The following MMRN1 variants were observed in gnomAD, a reference collection of about 807,000 sequenced individuals.
MMRN1 encodes the protein multimerin 1, also known as multimerin-1.
MMRN1 carries 94 observed loss-of-function variants against 100.7 expected under a neutral mutation model. That is an observed-to-expected ratio of 0.93 (90% CI 0.79 to 1.11). The LOEUF is 1.11. Among genes scored for constraint, MMRN1 ranks in the 50% least tolerant of loss-of-function variants. The pLI, the probability that MMRN1 is intolerant of heterozygous loss-of-function variation, is 0.00. For missense variants in MMRN1, 1,606 were observed against 1,439.1 expected (o/e 1.12, Z -1.88); for synonymous variants, 575 against 505.0 (o/e 1.14, Z -1.86).
intron 3 of MMRN1, among the ~76,000 whole-genome samples, chr4:89,919,348 CA>C (rs1051061417): frequency 5.9e-5 from 9 of 151,554 alleles, no homozygotes; most frequent in Admixed American, 3.3e-4. Flanking sequence ...AATTTCATAA[CA>C]TTTTTTAATA....
chr4:89,948,505 T>C (rs1348189872), intron 6 of MMRN1, among the ~76,000 whole-genome samples: 2 of 152,176 alleles, frequency 1.3e-5, no homozygotes, highest in Non-Finnish European at 2.9e-5. Flanking sequence ...TTAGAAAGCT[T>C]CAATACATCA....
At chr4:89,916,188 T>C (rs1721908878) in intron 3 of MMRN1, among the ~76,000 whole-genome samples, 1 of 151,466 alleles carries the variant, frequency 6.6e-6, no homozygotes, top group Non-Finnish European at 1.5e-5. Context: ...AAAGATAACA[T>C]AAACTATTGA....
intron 1 of MMRN1, among the ~76,000 whole-genome samples, chr4:89,900,255 T>C (rs1721341860): frequency 6.6e-6 from 1 of 152,146 alleles, no homozygotes; most frequent in Admixed American, 6.6e-5. Context: ...TGAAATTTGG[T>C]CTTTCATTCA....
rs1462279584 is a variant in MMRN1 at position 89,935,917 on chromosome 4, A to G, written c.2237A>G (p.Tyr746Cys). The change falls in exon 6 of 8, where the codon TAT (tyrosine) becomes TGT (cysteine). Residue 746 changes from tyrosine (Y) to cysteine (C), a missense_variant. Transcript: ENST00000264790. ...GCTATTGATTTCATTCAAGATAACTATGCCCTAAAAGAGACTTTAAGTACT... is the reference window on the plus strand; with the variant it reads ...GCTATTGATTTCATTCAAGATAACTGTGCCCTAAAAGAGACTTTAAGTACT... ...NNAIDFIQDN[Y>C]ALKETLSTIK... 1.2e-6 allele frequency: 2 copies of G among 1,609,554 alleles called. No individual in the cohort carries two copies. Among genetic ancestry groups the G allele is most frequent in the East Asian group, 2.2e-5 (1 of 44,810 alleles).
intron 1 of MMRN1, among the ~76,000 whole-genome samples, chr4:89,906,978 A>G (rs1015467405): frequency 9.9e-5 from 15 of 151,446 alleles, no homozygotes; most frequent in African/African-American, 3.1e-4. Flanking sequence ...AGCCCTGAGC[A>G]TGTAGTGACG....
At position 89,884,334 on chromosome 4, in the gene MMRN1, G is replaced by C. The variant is rs186024505; in HGVS notation, c.-249+4732G>C. Among the ~76,000 whole-genome samples the C allele has an allele frequency of 2.6e-5, 4 of 152,036 alleles. No homozygotes were observed. The East Asian group carries it at 7.8e-4, about 29-fold the overall frequency. ...ATCAAGTTTTCCAGTCCTTGAACTT[G>C]GCATATTTACTTATTCGGGTGTTTC... is the stretch of plus-strand genomic sequence containing the variant. On this transcript the variant is annotated intron_variant, in intron 1 of 8. Coordinates refer to the MMRN1 transcript ENST00000394980.
Position 89,934,804 on chromosome 4 carries a change from C to G in MMRN1, c.1130-6C>G. 1 of 1,401,586 alleles carries G rather than the reference C, an allele frequency of 7.1e-7. No individual in the cohort carries two copies. The highest frequency in any genetic ancestry group is 9.5e-7 in the Non-Finnish European group (1 of 1,048,472). The allele number at this position is 1,401,586 out of a possible 1,614,324, so 86.8% of individuals were successfully genotyped here. ...ACTATGTATTATTAATTATTTCTTTCTCTAGGTCTAAAATCCAAAAGCATT... is the reference window on the plus strand; with the variant it reads ...ACTATGTATTATTAATTATTTCTTTGTCTAGGTCTAAAATCCAAAAGCATT... On this transcript the variant is annotated splice_polypyrimidine_tract_variant and splice_region_variant and intron_variant, in intron 5 of 7. Coordinates refer to ENST00000264790, the MANE Select transcript of MMRN1 (RefSeq NM_007351.3).
intron 6 of MMRN1, among the ~76,000 whole-genome samples, chr4:89,946,030 C>T (rs573716916): frequency 1.3e-5 from 2 of 152,226 alleles, no homozygotes; most frequent in South Asian, 4.1e-4. Context: ...TGTTAGTATT[C>T]CTAGAAGTTG....
Position 89,936,586 on chromosome 4 carries a change from C to A in MMRN1, c.2906C>A (p.Pro969Gln). 2 of 1,611,644 alleles carry A rather than the reference C, an allele frequency of 1.2e-6. No individual in the cohort carries two copies. Among genetic ancestry groups the A allele is most frequent in the Non-Finnish European group, 1.7e-6 (2 of 1,179,138 alleles). The change falls in exon 6 of 8, where the codon CCA becomes CAA. Residue 969 changes from proline to glutamine, a missense_variant. Transcript: ENST00000264790. ...LQKGLTEFVEPIIQIKTQAAL... is the reference protein window; with the variant it reads ...LQKGLTEFVEQIIQIKTQAAL... ...AAAGGTCTAACAGAATTTGTGGAAC[C>A]AATAATTCAAATAAAAACTCAAGCT...
chr4:89,951,540 A>G (rs1463827339), intron 6 of MMRN1, 65 bp from the exon 7 acceptor site: 2 of 1,417,534 alleles, frequency 1.4e-6, no homozygotes, highest in Admixed American at 2.8e-5. Flanking sequence ...GCAAACTACG[A>G]TTTGAGATCA....
Position 89,936,382 on chromosome 4 carries a change from C to A in MMRN1, c.2702C>A (p.Ser901Tyr). The A allele has an allele frequency of 2.5e-6, 4 of 1,608,928 alleles. No individual in the cohort carries two copies. The highest frequency in any genetic ancestry group is 3.4e-6 in the Non-Finnish European group (4 of 1,178,640). Reference sequence around the variant, plus strand: ...GCTCTTCAACTGCAAGTATTAAATTCCAGATTTAAGGCGTTGGAAGCAAAA... The same window carrying A: ...GCTCTTCAACTGCAAGTATTAAATTACAGATTTAAGGCGTTGGAAGCAAAA... Reference protein sequence around the residue: ...DQALQLQVLNSRFKALEAKSI... With the variant: ...DQALQLQVLNYRFKALEAKSI... Residue 901 changes from serine to tyrosine, a missense_variant, in exon 6 of 8, where the codon TCC (serine) becomes TAC (tyrosine). By Grantham distance (144) the Ser-to-Tyr change is moderately radical. Transcript: ENST00000264790.
chr4:89,894,234 C>T (rs561720568), upstream of MMRN1, among the ~76,000 whole-genome samples: 23 of 152,226 alleles, frequency 1.5e-4, no homozygotes, highest in Non-Finnish European at 2.6e-4. Context: ...TTTAAAGTGA[C>T]TTCCTGGTAT....
chr4:89,953,916 A>C lies in MMRN1; in HGVS notation c.*498A>C, dbSNP rs559663196. 6.6e-6 allele frequency: 1 copy of C among 152,200 alleles called. No homozygotes were observed. Among genetic ancestry groups the C allele is most frequent in the African/African-American group, 2.4e-5 (1 of 41,448 alleles). 9.4% of individuals were successfully genotyped at this position (152,200 alleles called of 1,614,324 possible). On this transcript the variant is annotated 3_prime_UTR_variant, in exon 8 of 8. Transcript: ENST00000264790. ...TTTACGTTGAGTTGATCAATTTTCC[A>C]TACTAAGATTTTCATTCAGAATCAA...
At chr4:89,928,298 G>A (rs1002492122) in intron 5 of MMRN1, among the ~76,000 whole-genome samples, 12 of 152,102 alleles carry the variant, frequency 7.9e-5, no homozygotes, top group African/African-American at 1.2e-4. Context: ...GAATAAAAAC[G>A]CAGTTAGGGG....
chr4:89,928,314 G>A (rs1171379957), intron 5 of MMRN1, among the ~76,000 whole-genome samples: 2 of 152,104 alleles, frequency 1.3e-5, no homozygotes, highest in East Asian at 3.9e-4. Flanking sequence ...AGGGGATCAA[G>A]ATAGCTAGTT....
intron 2 of MMRN1, among the ~76,000 whole-genome samples, chr4:89,911,418 T>C (rs1386863329): frequency 6.6e-6 from 1 of 151,348 alleles, no homozygotes; most frequent in Non-Finnish European, 1.5e-5. Context: ...ACAAAAATAG[T>C]AGGTAGCATA....
intron 1 of MMRN1, among the ~76,000 whole-genome samples, chr4:89,886,893 A>G (rs994219364): frequency 6.6e-6 from 1 of 152,076 alleles, no homozygotes; most frequent in African/African-American, 2.4e-5. Context: ...ATTTTGAAAT[A>G]TACAATGAAC....
Position 89,935,991 on chromosome 4 carries a change from A to G in MMRN1, c.2311A>G (p.Thr771Ala). 3 of 1,613,204 alleles carry G rather than the reference A, an allele frequency of 1.9e-6. No individual in the cohort carries two copies. The highest frequency in any genetic ancestry group is 2.5e-6 in the Non-Finnish European group (3 of 1,179,524). The change falls in exon 6 of 8, where the codon ACT (threonine) becomes GCT (alanine). Residue 771 changes from threonine to alanine, a missense_variant. By Grantham distance (58) the Thr-to-Ala change is moderately conservative. Transcript: ENST00000264790. ...IHHKCTSDME[T>A]ILTFIPQFHR... ...TCATAAATGTACCTCCGATATGGAAACTATTTTGACATTTATTCCTCAGTT... is the reference window on the plus strand; with the variant it reads ...TCATAAATGTACCTCCGATATGGAAGCTATTTTGACATTTATTCCTCAGTT...
chr4:89,884,351 G>A (rs942806293), intron 1 of MMRN1, among the ~76,000 whole-genome samples: 2 of 151,776 alleles, frequency 1.3e-5, no homozygotes, highest in Admixed American at 6.6e-5. Context: ...TTACTTATTC[G>A]GGTGTTTCAA....
Sources: allele counts gnomAD v4.1 joint callset (sites outside exome capture counted in the v4.1 genomes callset), GRCh38; gene constraint gnomAD v4.1.1; transcripts MANE v1.5; gene names NCBI Gene and HGNC (gene_info 2026-07-23, HGNC 2026-07-21).